Variants in AGMO observed in about 807,000 individuals in gnomAD.
AGMO encodes alkylglycerol monooxygenase, also known as glyceryl-ether monooxygenase.
Under a neutral mutation model 60.2 loss-of-function variants are expected in AGMO, and 75 were observed. That is an observed-to-expected ratio of 1.25 (90% confidence interval 1.03 to 1.51). The LOEUF (loss-of-function observed/expected upper bound fraction) is 1.51. Among genes scored for constraint, AGMO ranks in the 40% most tolerant of loss-of-function variants. The pLI, the probability that AGMO is intolerant of heterozygous loss-of-function variation, is 0.00. For missense variants in AGMO, 763 were observed against 525.5 expected, an observed-to-expected ratio of 1.45 and a Z score of -4.42; for synonymous variants, 261 against 177.1, an observed-to-expected ratio of 1.47 and a Z score of -3.76.
intron 12 of AGMO, among the ~76,000 whole-genome samples, chr7:15,293,215 C>T (rs1433492858): frequency 6.6e-6 from 1 of 152,148 alleles, no homozygotes; most frequent in African/African-American, 2.4e-5. Context: ...TCCTTCCAGA[C>T]TCTGGCCGCT....
At chr7:15,366,768 A>G (rs922525699) in intron 10 of AGMO, among the ~76,000 whole-genome samples, 1 of 152,084 alleles carries the variant, frequency 6.6e-6, no homozygotes, top group African/African-American at 2.4e-5. Flanking sequence ...ACGCTTAAAC[A>G]TTAAGCATTA....
rs1306148346 is a variant in AGMO, at chr7:15,322,565, AAT to A, written c.1263+42947_1263+42948del. On this transcript the variant is annotated intron_variant, in intron 12 of 12. Coordinates refer to ENST00000342526, the MANE Select transcript of AGMO (RefSeq NM_001004320.2). ...ATATATAAATATATATAAATATATA[AAT>A]ATATATAAATATATATAAATATATA... 5.0e-4 allele frequency among the ~76,000 whole-genome samples: 18 copies of A among 36,140 alleles called. 2 individuals are homozygous for A. The highest frequency in any genetic ancestry group is 2.6e-3 in the African/African-American group (16 of 6,136). The allele number at this position is 36,140 out of a possible 152,430, so 23.7% of individuals were successfully genotyped here. A position where few individuals can be genotyped will look rare whatever the true frequency, so the allele number is the denominator to read the frequency against.
the AGMO span, among the ~76,000 whole-genome samples, chr7:15,193,760 A>T: frequency 6.6e-6 from 1 of 152,226 alleles, no homozygotes; most frequent in Non-Finnish European, 1.5e-5. Flanking sequence ...CATAAAGTTC[A>T]GTAACATGAG....
Position 15,392,460 on chromosome 7 carries a change from T to A in AGMO, c.677-1555A>T, listed in dbSNP as rs1400268546. On this transcript the variant is annotated intron_variant, in intron 6 of 12. Coordinates refer to ENST00000342526, the MANE Select transcript of AGMO (RefSeq NM_001004320.2). ...TAGAGATACTTCTTGACTTATGGAG[T>A]GGTTATGTCCCCATAAACCATCTAA... Among the ~76,000 whole-genome samples the A allele has an allele frequency of 2.6e-5, 4 of 151,992 alleles. No individual in the cohort carries two copies. The East Asian group carries it at 7.8e-4, about 30-fold the overall frequency.
chr7:15,390,049 T>C lies in AGMO; in HGVS notation c.822+622A>G, dbSNP rs1350700183. On this transcript the variant is annotated intron_variant, in intron 8 of 12. Coordinates refer to ENST00000342526, the MANE Select transcript of AGMO (RefSeq NM_001004320.2). ...TTCTTATCTTTTTCTCATTTATGAG[T>C]GCCTAACCCCAGGAGTATTTGTGGT... 2.6e-5 allele frequency among the ~76,000 whole-genome samples: 4 copies of C among 151,938 alleles called. No homozygotes were observed. The South Asian group carries it at 8.3e-4, about 32-fold the overall frequency.
At chr7:15,206,143 A>G (rs1781433423) in intron 12 of AGMO, among the ~76,000 whole-genome samples, 1 of 152,084 alleles carries the variant, frequency 6.6e-6, no homozygotes, top group Non-Finnish European at 1.5e-5. Context: ...ATTTCCTATG[A>G]GCGCAAGAGG....
At chr7:15,390,258 A>C (rs1463891968) in intron 8 of AGMO, among the ~76,000 whole-genome samples, 1 of 152,210 alleles carries the variant, frequency 6.6e-6, no homozygotes, top group African/African-American at 2.4e-5. Flanking sequence ...CTTGGGTCCA[A>C]GAACAGTAAC....
At chr7:15,488,667 T>C (rs151021995) in intron 3 of AGMO, among the ~76,000 whole-genome samples, 15 of 152,276 alleles carry the variant, frequency 9.9e-5, no homozygotes, top group Admixed American at 2.6e-4. Flanking sequence ...GCTGAACAGA[T>C]AGTAGGTACT....
At chr7:15,176,993 A>T in the AGMO span, among the ~76,000 whole-genome samples, 1 of 152,090 alleles carries the variant, frequency 6.6e-6, no homozygotes, top group African/African-American at 2.4e-5. Flanking sequence ...TTTCACAACT[A>T]GATGTCTCAT....
chr7:15,352,643 T>C (rs1782291071), intron 12 of AGMO, among the ~76,000 whole-genome samples: 1 of 151,808 alleles, frequency 6.6e-6, no homozygotes, highest in African/African-American at 2.4e-5. Flanking sequence ...GAGTTGATGG[T>C]AGGGAAACCA....
At chr7:15,156,532 A>G in the AGMO span, among the ~76,000 whole-genome samples, 2 of 152,166 alleles carry the variant, frequency 1.3e-5, no homozygotes, top group African/African-American at 4.8e-5. Context: ...CTCCCCAGAC[A>G]GTTCTTGCCA....
chr7:15,393,077 C>T (rs998655700), intron 6 of AGMO, among the ~76,000 whole-genome samples: 2 of 152,162 alleles, frequency 1.3e-5, no homozygotes, highest in African/African-American at 2.4e-5. Context: ...CTGTGAAAGT[C>T]GAAGAATTAA....
intron 12 of AGMO, among the ~76,000 whole-genome samples, chr7:15,363,630 C>A (rs1170804944): frequency 6.6e-6 from 1 of 152,090 alleles, no homozygotes; most frequent in East Asian, 1.9e-4. Flanking sequence ...AAGTAAACTG[C>A]CATCATCTTA....
At chr7:15,449,502 T>C (rs1486479100) in intron 3 of AGMO, among the ~76,000 whole-genome samples, 1 of 152,194 alleles carries the variant, frequency 6.6e-6, no homozygotes, top group African/African-American at 2.4e-5. Flanking sequence ...TGTTTAGATA[T>C]ACAAATAATT....
At chr7:15,263,951 T>C (rs939205460) in intron 12 of AGMO, among the ~76,000 whole-genome samples, 7 of 151,932 alleles carry the variant, frequency 4.6e-5, no homozygotes, top group Non-Finnish European at 5.9e-5. Context: ...AGACTACACA[T>C]TGGCTACAGA....
intron 12 of AGMO, among the ~76,000 whole-genome samples, chr7:15,303,168 C>T (rs1452752657): frequency 6.6e-6 from 1 of 151,924 alleles, no homozygotes; most frequent in Non-Finnish European, 1.5e-5. Flanking sequence ...AAGATGGCGG[C>T]ACAGATGCAG....
At chr7:15,338,848 A>C (rs1781743779) in intron 12 of AGMO, among the ~76,000 whole-genome samples, 1 of 152,108 alleles carries the variant, frequency 6.6e-6, no homozygotes, top group Admixed American at 6.5e-5. Context: ...TCAAAATAAA[A>C]ACTACCCAGT....
At chr7:15,334,862 C>G (rs1044388700) in intron 12 of AGMO, among the ~76,000 whole-genome samples, 1 of 152,136 alleles carries the variant, frequency 6.6e-6, no homozygotes, top group Non-Finnish European at 1.5e-5. Flanking sequence ...AGAGCAAAAC[C>G]TAGCTATAAA....
At chr7:15,524,818 C>G (rs76105900) in intron 3 of AGMO, among the ~76,000 whole-genome samples, 1 of 149,264 alleles carries the variant, frequency 6.7e-6, no homozygotes, top group Non-Finnish European at 1.5e-5. Flanking sequence ...GCTGAGATCA[C>G]GCCATTGCAC....
Sources: gnomAD v4.1 joint callset for allele counts (sites outside exome capture counted in the v4.1 genomes callset) on GRCh38, gnomAD v4.1.1 for gene constraint, MANE v1.5 for transcripts, NCBI Gene and HGNC (gene_info 2026-07-23, HGNC 2026-07-21) for gene names.